The following AFG2A variants were observed in gnomAD, a reference collection of about 807,000 sequenced individuals.
AFG2A encodes AAA ATPase AFG2A, also known as ATPase family gene 2 protein homolog A.
the AFG2A span, among the ~76,000 whole-genome samples, chr4:123,245,252 C>T: frequency 6.6e-6 from 1 of 152,102 alleles, no homozygotes; most frequent in Non-Finnish European, 1.5e-5. Context: ...CATTTGTCCC[C>T]ACTGCCACTA....
the AFG2A span, among the ~76,000 whole-genome samples, chr4:123,307,185 T>G: frequency 6.6e-6 from 1 of 152,184 alleles, no homozygotes; most frequent in Non-Finnish European, 1.5e-5. Context: ...TGCTTTTTGT[T>G]TTTTAGAGAC....
At chr4:123,209,667 A>G in the AFG2A span, among the ~76,000 whole-genome samples, 1 of 145,928 alleles carries the variant, frequency 6.9e-6, no homozygotes, top group African/African-American at 2.5e-5. Flanking sequence ...AGCTCGCTGC[A>G]GCCTTAAATT....
chr4:123,049,671 T>G, the AFG2A span, among the ~76,000 whole-genome samples: 1 of 152,096 alleles, frequency 6.6e-6, no homozygotes. Context: ...TAGTATCAGT[T>G]GTAATTTTTT....
the AFG2A span, among the ~76,000 whole-genome samples, chr4:122,980,865 G>A: frequency 6.6e-6 from 1 of 151,608 alleles, no homozygotes; most frequent in Non-Finnish European, 1.5e-5. Context: ...CTTTTGAGTT[G>A]TTTGAGTTTC....
the AFG2A span, chr4:122,938,004 T>C: frequency 2.1e-6 from 2 of 958,764 alleles, no homozygotes; most frequent in Non-Finnish European, 2.9e-6. Flanking sequence ...CATTATAATA[T>C]CTTTATAATA....
chr4:123,255,977 T>G, the AFG2A span: 14 of 1,611,386 alleles, frequency 8.7e-6, no homozygotes, highest in African/African-American at 1.3e-5. Flanking sequence ...ATGTCAGTTC[T>G]GAGCCCAGTT....
chr4:122,971,730 T>TA, the AFG2A span, among the ~76,000 whole-genome samples: 2 of 152,024 alleles, frequency 1.3e-5, no homozygotes. Flanking sequence ...TCCTAGCTTT[T>TA]AAAAAAATAT....
chr4:123,201,416 A>G, the AFG2A span, among the ~76,000 whole-genome samples: 2 of 152,198 alleles, frequency 1.3e-5, no homozygotes. Flanking sequence ...AGATGAATAG[A>G]GATATTTGAT....
chr4:123,121,343 A>G, the AFG2A span, among the ~76,000 whole-genome samples: 1 of 152,034 alleles, frequency 6.6e-6, no homozygotes, highest in African/African-American at 2.4e-5. Context: ...GCATAGTCTT[A>G]TTGTACCGTG....
chr4:122,972,316 A>T, the AFG2A span, among the ~76,000 whole-genome samples: 1 of 151,996 alleles, frequency 6.6e-6, no homozygotes, highest in Non-Finnish European at 1.5e-5. Flanking sequence ...CTATCCTCTT[A>T]TCTTTTTAAT....
chr4:122,993,194 T>C, the AFG2A span, among the ~76,000 whole-genome samples: 1 of 151,912 alleles, frequency 6.6e-6, no homozygotes, highest in Non-Finnish European at 1.5e-5. Flanking sequence ...GGTTTTACCA[T>C]GTTGGCCAGG....
chr4:123,260,921 G>C, the AFG2A span, among the ~76,000 whole-genome samples: 1 of 152,206 alleles, frequency 6.6e-6, no homozygotes, highest in Non-Finnish European at 1.5e-5. Flanking sequence ...GTGAGTGGCA[G>C]ACAAGTGAGC....
the AFG2A span, among the ~76,000 whole-genome samples, chr4:122,933,069 A>T: frequency 1.3e-5 from 2 of 152,200 alleles, no homozygotes; most frequent in Admixed American, 1.3e-4. Flanking sequence ...GCATGTGTGT[A>T]TGTATGTGTT....
chr4:123,105,343 A>G, the AFG2A span, among the ~76,000 whole-genome samples: 1 of 152,186 alleles, frequency 6.6e-6, no homozygotes, highest in Admixed American at 6.5e-5. Flanking sequence ...TTGAGATGTT[A>G]CTGTTCATTG....
chr4:122,996,594 T>TAGATAGAC, the AFG2A span, among the ~76,000 whole-genome samples: 1 of 151,398 alleles, frequency 6.6e-6, no homozygotes, highest in African/African-American at 2.4e-5. Context: ...GATAGATAGA[T>TAGATAGAC]AGATAGATAG....
chr4:122,968,624 A>G, the AFG2A span, among the ~76,000 whole-genome samples: 1 of 152,222 alleles, frequency 6.6e-6, no homozygotes, highest in Non-Finnish European at 1.5e-5. Context: ...TATTATGAGT[A>G]ATGCCATGAA....
At chr4:122,997,709 G>T in the AFG2A span, among the ~76,000 whole-genome samples, 2 of 152,028 alleles carry the variant, frequency 1.3e-5, no homozygotes, top group African/African-American at 4.8e-5. Flanking sequence ...CCTTTTGAGG[G>T]TCTTCTAGAT....
chr4:122,987,217 AG>A, the AFG2A span, among the ~76,000 whole-genome samples: 1 of 152,112 alleles, frequency 6.6e-6, no homozygotes, highest in South Asian at 2.1e-4. Context: ...ATCAAAATAG[AG>A]CTGAAGACTC....
At chr4:123,196,404 A>G in the AFG2A span, among the ~76,000 whole-genome samples, 2 of 152,082 alleles carry the variant, frequency 1.3e-5, no homozygotes, top group Non-Finnish European at 2.9e-5. Flanking sequence ...TCTTATCACT[A>G]AGACATCATG....
Sources: allele counts gnomAD v4.1 joint callset (sites outside exome capture counted in the v4.1 genomes callset), GRCh38; gene constraint gnomAD v4.1.1; transcripts MANE v1.5; gene names NCBI Gene and HGNC (gene_info 2026-07-23, HGNC 2026-07-21).